Variants in PLPP5 observed in about 807,000 individuals in gnomAD.
PLPP5 encodes diacylglycerol pyrophosphate like 1.
PLPP5 carries 29 observed loss-of-function variants against 23.6 expected under a neutral mutation model. That is an observed-to-expected ratio of 1.23 (90% CI 0.92 to 1.68). The LOEUF is 1.68. Among genes scored for constraint, PLPP5 ranks in the 40% most tolerant of loss-of-function variants. The probability of loss-of-function intolerance (pLI) is 0.00; values close to 1 mark genes in which losing one functional copy is unlikely to be tolerated. For missense variants in PLPP5, 315 were observed against 332.1 expected (o/e 0.95, Z 0.40); for synonymous variants, 143 against 131.3 (o/e 1.09, Z -0.61).
chr8:38,266,974 A>G, intron 5 of PLPP5: 1 of 1,194,786 alleles, frequency 8.4e-7, no homozygotes, highest in Non-Finnish European at 1.1e-6. Context: ...CCTGACACAT[A>G]GAAACTCTTC....
intron 6 of PLPP5, chr8:38,265,210 G>A (rs1456377869): frequency 5.8e-6 from 2 of 343,042 alleles, no homozygotes; most frequent in Non-Finnish European, 5.2e-6. Flanking sequence ...AGGTTGCAGT[G>A]AGCCGAGATG....
rs760093212 is a variant in PLPP5, at chr8:38,264,230, C to G, written c.*214G>C. The G allele has an allele frequency of 6.5e-5, 55 of 844,402 alleles. No homozygotes were observed. The Admixed American group carries it at 6.9e-4, about 11-fold the overall frequency. 52.3% of individuals were successfully genotyped at this position (844,402 alleles called of 1,614,324 possible). On this transcript the variant is annotated 3_prime_UTR_variant, in exon 7 of 7. Coordinates refer to ENST00000424479, the MANE Select transcript of PLPP5 (RefSeq NM_001102559.2). ...TGGTGCGATCTCGGCTCACTGGAAC[C>G]TCCAGCTCCCAGGTTCAAGCAATTC...
chr8:38,267,517 G>A (rs932810749), intron 4 of PLPP5, 126 bp from the exon 5 acceptor site: 11 of 1,142,118 alleles, frequency 9.6e-6, no homozygotes, highest in Non-Finnish European at 1.3e-5. Flanking sequence ...TAAGGTAACT[G>A]GCTTAGTATA....
chr8:38,264,160 T>C lies in PLPP5; in HGVS notation c.*284A>G. Reference sequence around the variant, plus strand: ...TATTGAGATAGATTCAATTTTTTTTTTTTTTGAGATGGGGTCTCACTCTGT... The same window carrying C: ...TATTGAGATAGATTCAATTTTTTTTCTTTTTGAGATGGGGTCTCACTCTGT... On this transcript the variant is annotated 3_prime_UTR_variant, in exon 7 of 7. Coordinates refer to ENST00000424479, the MANE Select transcript of PLPP5 (RefSeq NM_001102559.2). 1 of 1,041,150 alleles carries C rather than the reference T, an allele frequency of 9.6e-7. No individual in the cohort carries two copies. Among genetic ancestry groups the C allele is most frequent in the Middle Eastern group, 4.5e-4 (1 of 2,216 alleles). 64.5% of individuals were successfully genotyped at this position (1,041,150 alleles called of 1,614,324 possible).
chr8:38,268,607 C>T, intron 2 of PLPP5, 146 bp from the exon 3 acceptor site: 1 of 1,451,876 alleles, frequency 6.9e-7, no homozygotes. Flanking sequence ...GGCAGCGCCA[C>T]CAGTGAACAG....
rs1808295297 is a variant in PLPP5 at position 38,269,173 on chromosome 8, G to GGCCACC, written c.21_26dup (p.Val8_Ala9dup). The GGCCACC allele has an allele frequency of 4.0e-6, 6 of 1,506,130 alleles. No homozygotes were observed. Among genetic ancestry groups the GGCCACC allele is most frequent in the South Asian group, 1.2e-5 (1 of 81,380 alleles). The allele number at this position is 1,506,130 out of a possible 1,614,324, so 93.3% of individuals were successfully genotyped here. ...GCCGCACGCCCACTTCGGCCCCAAA[G>GGCCACC]GCCACCGCCGCCGCCGCCTTCCCCA... On this transcript the variant is annotated inframe_insertion, in exon 1 of 7. Coordinates refer to ENST00000424479, the MANE Select transcript of PLPP5 (RefSeq NM_001102559.2).
In PLPP5 at chr8:38,268,969, C is replaced by CG. The variant is rs749442059; in HGVS notation, c.95dup (p.Phe33ValfsTer93). 5.9e-5 allele frequency: 93 copies of CG among 1,566,740 alleles called. No individual in the cohort carries two copies. Among genetic ancestry groups the CG allele is most frequent in the Non-Finnish European group, 7.2e-5 (84 of 1,162,460 alleles). On this transcript the variant is annotated frameshift_variant, in exon 2 of 7. Transcript: ENST00000424479. LOFTEE classifies it high-confidence loss of function. ...CCTCCGGCTGGATGAGTCTCTGGAACGGGGGGAGCAGCTCCGTCACCCTAG... is the reference window on the plus strand; with the variant it reads ...CCTCCGGCTGGATGAGTCTCTGGAACGGGGGGGAGCAGCTCCGTCACCCTAG...
Position 38,263,371 on chromosome 8 carries a change from T to G in PLPP5, c.*1073A>C. On this transcript the variant is annotated 3_prime_UTR_variant, in exon 7 of 7. Coordinates refer to ENST00000424479, the MANE Select transcript of PLPP5 (RefSeq NM_001102559.2). ...ATACCTGTCATTTTTCTTTTCTACC[T>G]TAGTCACTTGGCAGTGTTGGTGCAT... The G allele has an allele frequency of 1.0e-6, 1 of 985,244 alleles. No individual in the cohort carries two copies. Among genetic ancestry groups the G allele is most frequent in the Non-Finnish European group, 1.2e-6 (1 of 829,748 alleles). 61.0% of individuals were successfully genotyped at this position (985,244 alleles called of 1,614,324 possible).
In PLPP5 at chr8:38,264,165, TGAGATGGG is replaced by T; in HGVS notation, c.*271_*278del. 9.9e-7 allele frequency: 1 copy of T among 1,014,480 alleles called. No individual in the cohort carries two copies. Among genetic ancestry groups the T allele is most frequent in the Non-Finnish European group, 1.2e-6 (1 of 839,636 alleles). The allele number at this position is 1,014,480 out of a possible 1,614,324, so 62.8% of individuals were successfully genotyped here. A position where few individuals can be genotyped will look rare whatever the true frequency, so the allele number is the denominator to read the frequency against. ...AGATAGATTCAATTTTTTTTTTTTT[TGAGATGGG>T]GTCTCACTCTGTTGCCTAGGCTGGA... is the stretch of plus-strand genomic sequence containing the variant. On this transcript the variant is annotated 3_prime_UTR_variant, in exon 7 of 7. Transcript: ENST00000424479.
Position 38,268,984 on chromosome 8 carries a change from C to T in PLPP5, c.81G>A (p.Thr27=), listed in dbSNP as rs371826456. The change falls in exon 2 of 7, where the codon ACG becomes ACA. Residue 27 remains threonine (T), a synonymous_variant. Coordinates refer to ENST00000424479, the MANE Select transcript of PLPP5 (RefSeq NM_001102559.2). The part of the protein sequence containing the change: ...RLALFAAFLV[T]ELLPPFQRLI... ...GTCTCTGGAACGGGGGGAGCAGCTC[C>T]GTCACCCTAGAGGGGAACAAAGAAG... is the stretch of plus-strand genomic sequence containing the variant. The T allele has an allele frequency of 1.3e-6, 2 of 1,572,724 alleles. No individual in the cohort carries two copies. The highest frequency in any genetic ancestry group is 8.6e-7 in the Non-Finnish European group (1 of 1,164,624).
At position 38,269,130 on chromosome 8, in the gene PLPP5, A is replaced by T. The variant is rs761170544; in HGVS notation, c.70T>A (p.Phe24Ile). 2.0e-6 allele frequency: 3 copies of T among 1,522,016 alleles called. No individual in the cohort carries two copies. The highest frequency in any genetic ancestry group is 2.6e-6 in the Non-Finnish European group (3 of 1,141,284). 94.3% of individuals were successfully genotyped at this position (1,522,016 alleles called of 1,614,324 possible). The change falls in exon 1 of 7, where the codon TTC becomes ATC. Residue 24 changes from phenylalanine (F) to isoleucine (I), a missense_variant. Coordinates refer to ENST00000424479, the MANE Select transcript of PLPP5 (RefSeq NM_001102559.2). The part of the protein sequence containing the change: ...VGVRLALFAA[F>I]LVTELLPPFQ... ...CCGGCCGTGGATCTTTCTTACAGGA[A>T]GGCCGCGAACAGCGCGAGCCGCACG... is the stretch of plus-strand genomic sequence containing the variant.
rs985559474 is a variant in PLPP5, at chr8:38,263,364, T to G, written c.*1080A>C. The G allele has an allele frequency of 4.1e-6, 4 of 985,102 alleles. No individual in the cohort carries two copies. The African/African-American group carries it at 7.0e-5, about 17-fold the overall frequency. The allele number at this position is 985,102 out of a possible 1,614,324, so 61.0% of individuals were successfully genotyped here. ...GATGACGATACCTGTCATTTTTCTT[T>G]TCTACCTTAGTCACTTGGCAGTGTT... On this transcript the variant is annotated 3_prime_UTR_variant, in exon 7 of 7. Transcript: ENST00000424479.
At position 38,263,540 on chromosome 8, in the gene PLPP5, A is replaced by G. The variant is rs1225190606; in HGVS notation, c.*904T>C. On this transcript the variant is annotated 3_prime_UTR_variant, in exon 7 of 7. Coordinates refer to ENST00000424479, the MANE Select transcript of PLPP5 (RefSeq NM_001102559.2). ...TCTTTATTATTGTTTTCACTTAGTA[A>G]TTCAACAAATTGTTTATGCCCACGG... The G allele has an allele frequency of 7.1e-6, 7 of 985,300 alleles. No homozygotes were observed. Among genetic ancestry groups the G allele is most frequent in the Non-Finnish European group, 8.4e-6 (7 of 829,918 alleles). The allele number at this position is 985,300 out of a possible 1,614,324, so 61.0% of individuals were successfully genotyped here. A position where few individuals can be genotyped will look rare whatever the true frequency, so the allele number is the denominator to read the frequency against.
chr8:38,268,510 T>G, intron 2 of PLPP5, 49 bp from the exon 3 acceptor site: 1 of 1,544,930 alleles, frequency 6.5e-7, no homozygotes, highest in Non-Finnish European at 8.7e-7. Flanking sequence ...AAAGCCACAC[T>G]CGTGCTCCTA....
rs747095571 is a variant in PLPP5, at chr8:38,267,887, T to C, written c.338+10A>G. On this transcript the variant is annotated intron_variant, in intron 4 of 6. Coordinates refer to ENST00000424479, the MANE Select transcript of PLPP5 (RefSeq NM_001102559.2). The stretch of plus-strand genomic sequence containing the variant: ...GGCAGATGCTGGGGTGGTTAGCTGT[T>C]GTCACTTACCTCCCTACGATCAGTT... 3 of 1,613,770 alleles carry C rather than the reference T, an allele frequency of 1.9e-6. No individual in the cohort carries two copies. Among genetic ancestry groups the C allele is most frequent in the Admixed American group, 3.3e-5 (2 of 60,004 alleles).
In PLPP5 at chr8:38,264,328, G is replaced by A; in HGVS notation, c.*116C>T. The A allele has an allele frequency of 1.2e-6, 1 of 861,748 alleles. No individual in the cohort carries two copies. The highest frequency in any genetic ancestry group is 1.6e-6 in the Non-Finnish European group (1 of 607,122). 53.4% of individuals were successfully genotyped at this position (861,748 alleles called of 1,614,324 possible). ...GGCTAATTTTTGTATTTTTAGTAGA[G>A]ACAGGGTTCACCATGTTGGCCAGGC... On this transcript the variant is annotated 3_prime_UTR_variant, in exon 7 of 7. Coordinates refer to ENST00000424479, the MANE Select transcript of PLPP5 (RefSeq NM_001102559.2).
At chr8:38,265,145 A>G in intron 6 of PLPP5, 1 of 538,072 alleles carries the variant, frequency 1.9e-6, no homozygotes. Flanking sequence ...ATGTGCCTGT[A>G]ATCCCAGATA....
In PLPP5 at chr8:38,263,896, C is replaced by T. The variant is rs772482051; in HGVS notation, c.*548G>A. The T allele has an allele frequency of 3.9e-5, 38 of 984,220 alleles. No homozygotes were observed. The highest frequency in any genetic ancestry group is 4.6e-5 in the Non-Finnish European group (38 of 829,088). The allele number at this position is 984,220 out of a possible 1,614,324, so 61.0% of individuals were successfully genotyped here. On this transcript the variant is annotated 3_prime_UTR_variant, in exon 7 of 7. Transcript: ENST00000424479. Reference sequence around the variant, plus strand: ...GATCTTCAGATATTAATCTGATAGACCAGATTCATAAGGTGTTGGACACCT... The same window carrying T: ...GATCTTCAGATATTAATCTGATAGATCAGATTCATAAGGTGTTGGACACCT...
chr8:38,266,043 C>T, intron 6 of PLPP5, 98 bp downstream of exon 6: 1 of 1,114,692 alleles, frequency 9.0e-7, no homozygotes. Flanking sequence ...TTAATTTGTT[C>T]ATTCAGCAGA....
Sources: allele counts gnomAD v4.1 joint callset, GRCh38; gene constraint gnomAD v4.1.1; transcripts MANE v1.5; gene names NCBI Gene and HGNC (gene_info 2026-07-23, HGNC 2026-07-21).